Variants in CDC27 observed in about 807,000 individuals in gnomAD.
CDC27 encodes the protein cell division cycle 27, also known as cell division cycle protein 27 homolog.
A neutral mutation model predicts 109.7 loss-of-function variants in CDC27; 27 were observed. The ratio of observed to expected loss-of-function variants is 0.25; its 90% CI spans 0.18 to 0.34. CDC27 has a LOEUF of 0.34. Among genes scored for constraint, CDC27 ranks in the 10% least tolerant of loss-of-function variants. CDC27 has a pLI of 1.00. For synonymous variants in CDC27, 266 were observed against 333.9 expected, an observed-to-expected ratio of 0.80 and a Z score of 2.22; for missense variants, 579 against 960.2, an observed-to-expected ratio of 0.60 and a Z score of 5.25.
At chr17:47,171,436 G>C (rs2063809895) in intron 3 of CDC27, among the ~76,000 whole-genome samples, 1 of 152,166 alleles carries the variant, frequency 6.6e-6, no homozygotes, top group Non-Finnish European at 1.5e-5. Context: ...GAAAAGAATT[G>C]AATAGAACCT....
At chr17:47,174,380 C>T (rs1267200760) in intron 2 of CDC27, among the ~76,000 whole-genome samples, 1 of 152,186 alleles carries the variant, frequency 6.6e-6, no homozygotes, top group Non-Finnish European at 1.5e-5. Flanking sequence ...CTTCTTGAGG[C>T]TGATCATGGC....
intron 7 of CDC27, 44 bp from the exon 8 acceptor site, chr17:47,154,830 A>G (rs755969130): frequency 1.1e-6 from 1 of 910,870 alleles, no homozygotes; most frequent in Non-Finnish European, 1.8e-6. Context: ...TCATCAAGGC[A>G]TATATAAAGC....
chr17:47,131,526 A>G (rs1231492355), intron 15 of CDC27, among the ~76,000 whole-genome samples: 2 of 152,100 alleles, frequency 1.3e-5, no homozygotes, highest in Non-Finnish European at 2.9e-5. Context: ...AAAAGAGAGA[A>G]GCTGAGGGGA....
At chr17:47,166,749 T>C (rs1372302802) in intron 4 of CDC27, among the ~76,000 whole-genome samples, 2 of 152,248 alleles carry the variant, frequency 1.3e-5, no homozygotes, top group Non-Finnish European at 2.9e-5. Context: ...TGTAAGACTT[T>C]AGCAACATCA....
intron 4 of CDC27, among the ~76,000 whole-genome samples, chr17:47,160,227 C>CT (rs759655850): frequency 0.022 from 2,980 of 135,642 alleles, 47 homozygotes; most frequent in Non-Finnish European, 0.029. Context: ...GCCTCTCTAG[C>CT]TTTTTTTTTT....
At chr17:47,176,530 G>C (rs972744549) in intron 2 of CDC27, among the ~76,000 whole-genome samples, 6 of 152,178 alleles carry the variant, frequency 3.9e-5, no homozygotes, top group Non-Finnish European at 8.8e-5. Context: ...AGTTTTAAAA[G>C]GCTCCTTAGT....
chr17:47,145,621 G>A (rs973394064), intron 9 of CDC27, among the ~76,000 whole-genome samples: 2 of 152,114 alleles, frequency 1.3e-5, no homozygotes, highest in African/African-American at 2.4e-5. Context: ...TCAACCATGT[G>A]GCCGGGCATG....
chr17:47,175,094 G>GAAGGAAGGAAGGAAGT (rs1368102752), intron 2 of CDC27, among the ~76,000 whole-genome samples: 3 of 94,058 alleles, frequency 3.2e-5, no homozygotes, highest in Non-Finnish European at 6.5e-5. Context: ...AGGAAGGAAG[G>GAAGGAAGGAAGGAAGT]AAGTAAGTTG....
rs1233310238 is a variant in CDC27, at chr17:47,130,505, G to A, written c.2032-984C>T. On this transcript the variant is annotated intron_variant, in intron 15 of 18. Transcript: ENST00000066544. ...ACTTAAAATTTAAAAGATTTAAAAA[G>A]TACCAAACCTCACTATTCATTCATA... 2.0e-5 allele frequency among the ~76,000 whole-genome samples: 3 copies of A among 152,074 alleles called. No individual in the cohort carries two copies. The East Asian group carries it at 5.8e-4, about 29-fold the overall frequency.
At chr17:47,157,205 G>A in intron 6 of CDC27, 25 bp downstream of exon 6, 1 of 1,589,212 alleles carries the variant, frequency 6.3e-7, no homozygotes. Context: ...ATAATATTTT[G>A]AACACTAGAA....
intron 9 of CDC27, among the ~76,000 whole-genome samples, chr17:47,149,243 G>A (rs969596898): frequency 1.3e-5 from 2 of 150,858 alleles, no homozygotes; most frequent in African/African-American, 2.4e-5. Context: ...AGGTGCGGTG[G>A]GGCTCATGAC....
Position 47,132,269 on chromosome 17 carries a change from G to T in CDC27, c.2019C>A (p.Cys673Ter). ...GAAAGCTACTTACTACTCCAATGTG[G>T]CAAAGTAAAACTGAACTTTGAGGGT... The part of the protein sequence containing the change: ...DINPQSSVLL[C>*]HIGVVQHALK... Residue 673 changes from cysteine to a stop codon, truncating the protein, a stop_gained, in exon 15 of 19, where the codon TGC (cysteine) becomes TGA (stop). Coordinates refer to ENST00000066544, the MANE Select transcript of CDC27 (RefSeq NM_001256.6). LOFTEE classifies it high-confidence loss of function. 6.4e-7 allele frequency: 1 copy of T among 1,552,278 alleles called. No homozygotes were observed. Among genetic ancestry groups the T allele is most frequent in the Non-Finnish European group, 8.8e-7 (1 of 1,131,966 alleles).
At chr17:47,134,785 CTTTTTTT>C (rs376654308) in intron 14 of CDC27, among the ~76,000 whole-genome samples, 14 of 125,018 alleles carry the variant, frequency 1.1e-4, no homozygotes, top group South Asian at 5.2e-4. Context: ...TAATTGTTTT[CTTTTTTT>C]TTTTTTTTTT....
chr17:47,174,977 G>GGACAA (rs2063940016), intron 2 of CDC27, among the ~76,000 whole-genome samples: 1 of 113,384 alleles, frequency 8.8e-6, no homozygotes, highest in Non-Finnish European at 2.0e-5. Flanking sequence ...AAACAGGACA[G>GGACAA]GACAGGACAG....
At chr17:47,142,202 AGAT>A (rs764676965) in intron 11 of CDC27, 24 bp downstream of exon 11, 6 of 1,348,106 alleles carry the variant, frequency 4.5e-6, no homozygotes, top group Admixed American at 4.4e-5. Context: ...TAAAATACAA[AGAT>A]AATATTAAGC....
intron 4 of CDC27, among the ~76,000 whole-genome samples, chr17:47,166,531 A>G (rs932215122): frequency 6.6e-6 from 1 of 151,982 alleles, no homozygotes; most frequent in African/African-American, 2.4e-5. Flanking sequence ...AGTTTTACCA[A>G]TCTTTCCAAG....
In CDC27 at chr17:47,117,915, G is replaced by A. The variant is rs2061910637; in HGVS notation, c.*3020C>T. 1 of 152,032 alleles carries A rather than the reference G, an allele frequency of 6.6e-6. No individual in the cohort carries two copies. The highest frequency in any genetic ancestry group is 2.4e-5 in the African/African-American group (1 of 41,380). The allele number at this position is 152,032 out of a possible 1,614,324, so 9.4% of individuals were successfully genotyped here. On this transcript the variant is annotated 3_prime_UTR_variant, in exon 19 of 19. Transcript: ENST00000066544. ...AGCTTTCATATAGCTTTAACAACTTGATTATAAATTGCTTTCAAAAGTAAC... is the reference window on the plus strand; with the variant it reads ...AGCTTTCATATAGCTTTAACAACTTAATTATAAATTGCTTTCAAAAGTAAC...
intron 12 of CDC27, chr17:47,140,059 T>C (rs2062748732): frequency 6.6e-6 from 1 of 152,106 alleles, no homozygotes; most frequent in African/African-American, 2.4e-5. Context: ...CTTAATGAAA[T>C]GAGTATGACA....
chr17:47,174,867 A>G (rs940318179), intron 2 of CDC27, among the ~76,000 whole-genome samples: 9 of 152,080 alleles, frequency 5.9e-5, no homozygotes, highest in Admixed American at 5.2e-4. Context: ...GAGGCAGAAC[A>G]ATCACTTAAA....
Sources: allele counts gnomAD v4.1 joint callset (sites outside exome capture counted in the v4.1 genomes callset), GRCh38; gene constraint gnomAD v4.1.1; transcripts MANE v1.5; gene names NCBI Gene and HGNC (gene_info 2026-07-23, HGNC 2026-07-21).